The following NBAS variants were observed in gnomAD, a reference collection of about 807,000 sequenced individuals.
NBAS encodes the protein NBAS subunit of NRZ tethering complex.
A neutral mutation model predicts 302.5 loss-of-function variants in NBAS; 219 were observed. The observed-to-expected ratio is 0.72, with a 90% CI of 0.65 to 0.81. The LOEUF (loss-of-function observed/expected upper bound fraction) is 0.81. NBAS is among the 30% of genes least tolerant of loss of function. NBAS has a pLI of 0.00. For missense variants in NBAS, 2,932 were observed against 2,841.6 expected, an observed-to-expected ratio of 1.03 and a Z score of -0.72; for synonymous variants, 1,118 against 1,021.6, an observed-to-expected ratio of 1.09 and a Z score of -1.80.
intron 38 of NBAS, among the ~76,000 whole-genome samples, chr2:15,310,289 T>C (rs1671217227): frequency 6.6e-6 from 1 of 152,222 alleles, no homozygotes; most frequent in African/African-American, 2.4e-5. Context: ...AGAGAAAACC[T>C]ACTGTGTCTT....
the NBAS span, among the ~76,000 whole-genome samples, chr2:14,912,701 TTTAAAAAAAAAAAAAAA>T: frequency 5.4e-5 from 4 of 73,626 alleles, no homozygotes; most frequent in African/African-American, 1.6e-4. Context: ...TGCATTCATT[TTTAAAAAAAAAAAAAAA>T]AAAAAAAAAA....
At chr2:15,143,618 G>A in the NBAS span, among the ~76,000 whole-genome samples, 1 of 152,080 alleles carries the variant, frequency 6.6e-6, no homozygotes, top group Non-Finnish European at 1.5e-5. Context: ...GTTTGCAAGT[G>A]GTGGTTACAT....
chr2:14,842,413 A>C, the NBAS span, among the ~76,000 whole-genome samples: 1 of 151,984 alleles, frequency 6.6e-6, no homozygotes, highest in Non-Finnish European at 1.5e-5. Flanking sequence ...CAAAATTAAT[A>C]AACTTTCTTT....
In NBAS at chr2:15,465,558, A is replaced by G. The variant is rs1572891196; in HGVS notation, c.2097+1771T>C. Among the ~76,000 whole-genome samples the G allele has an allele frequency of 2.0e-5, 3 of 152,214 alleles. No homozygotes were observed. In the East Asian group the frequency reaches 5.8e-4, roughly 29 times the overall value. ...TCGTTTTTATCTCATTTATCACAGT[A>G]TTAATAAAAGAAGCCATGTCCTGTG... On this transcript the variant is annotated intron_variant, in intron 19 of 51. Coordinates refer to ENST00000281513, the MANE Select transcript of NBAS (RefSeq NM_015909.4).
chr2:15,367,317 C>T (rs968507671), intron 31 of NBAS, among the ~76,000 whole-genome samples: 10 of 152,008 alleles, frequency 6.6e-5, no homozygotes, highest in South Asian at 2.1e-4. Flanking sequence ...TACGTATATT[C>T]TAGGAACAAA....
chr2:15,466,686 C>T (rs1679736987), intron 19 of NBAS, among the ~76,000 whole-genome samples: 1 of 152,140 alleles, frequency 6.6e-6, no homozygotes, highest in Non-Finnish European at 1.5e-5. Context: ...ACCTGTAATC[C>T]TAGCACTTCA....
At chr2:15,034,213 A>AGAGAGG in the NBAS span, among the ~76,000 whole-genome samples, 8 of 121,584 alleles carry the variant, frequency 6.6e-5, no homozygotes, top group African/African-American at 9.3e-5. Context: ...AGGAAAGGAA[A>AGAGAGG]GAAAGAGAGG....
intron 40 of NBAS, 69 bp from the exon 41 acceptor site, chr2:15,292,835 GGAAGAA>G: frequency 1.4e-6 from 2 of 1,419,438 alleles, no homozygotes; most frequent in Non-Finnish European, 2.0e-6. Flanking sequence ...AGTAACAAAT[GGAAGAA>G]GACCATGTCT....
chr2:15,019,399 A>G, the NBAS span, among the ~76,000 whole-genome samples: 1 of 152,182 alleles, frequency 6.6e-6, no homozygotes, highest in East Asian at 1.9e-4. Context: ...TAAAAAGTCA[A>G]AGAACTTTTT....
At chr2:15,062,602 G>A in the NBAS span, among the ~76,000 whole-genome samples, 3 of 152,148 alleles carry the variant, frequency 2.0e-5, no homozygotes, top group African/African-American at 7.2e-5. Flanking sequence ...AGCAATTAAT[G>A]GAAATTATAG....
At chr2:14,893,998 A>T in the NBAS span, among the ~76,000 whole-genome samples, 1 of 152,326 alleles carries the variant, frequency 6.6e-6, no homozygotes, top group East Asian at 1.9e-4. Flanking sequence ...TTGATACAAA[A>T]TATTTATTGT....
At chr2:14,794,581 AT>A in the NBAS span, among the ~76,000 whole-genome samples, 1 of 152,170 alleles carries the variant, frequency 6.6e-6, no homozygotes, top group Non-Finnish European at 1.5e-5. Flanking sequence ...ATTTATATCA[AT>A]TTTTAAAAAC....
At chr2:15,506,005 A>G (rs1661831498) in intron 10 of NBAS, among the ~76,000 whole-genome samples, 1 of 152,092 alleles carries the variant, frequency 6.6e-6, no homozygotes, top group Admixed American at 6.5e-5. Context: ...CAAGGTACTC[A>G]AGGATAATTT....
chr2:15,557,804 A>G (rs1664717258), intron 2 of NBAS, among the ~76,000 whole-genome samples: 1 of 152,198 alleles, frequency 6.6e-6, no homozygotes, highest in Non-Finnish European at 1.5e-5. Flanking sequence ...AAAGGACTCT[A>G]TTAATGAATA....
At chr2:15,527,857 G>A (rs1001681774) in intron 9 of NBAS, among the ~76,000 whole-genome samples, 1 of 152,108 alleles carries the variant, frequency 6.6e-6, no homozygotes, top group Non-Finnish European at 1.5e-5. Flanking sequence ...TACGTGTGGC[G>A]TGAACCAGTA....
the NBAS span, among the ~76,000 whole-genome samples, chr2:14,949,394 A>G: frequency 1.3e-5 from 2 of 152,298 alleles, no homozygotes; most frequent in East Asian, 3.9e-4. Context: ...TCAATAGCAA[A>G]AAACAAATAA....
At chr2:15,031,404 T>C in the NBAS span, among the ~76,000 whole-genome samples, 1 of 152,220 alleles carries the variant, frequency 6.6e-6, no homozygotes, top group Non-Finnish European at 1.5e-5. Flanking sequence ...ACATTCTTTG[T>C]GGCAGTTACA....
At chr2:15,070,058 T>C in the NBAS span, among the ~76,000 whole-genome samples, 73 of 152,278 alleles carry the variant, frequency 4.8e-4, no homozygotes, top group Middle Eastern at 3.4e-3. Flanking sequence ...ATTTTAAAAA[T>C]TGATTCATTT....
the NBAS span, among the ~76,000 whole-genome samples, chr2:15,001,224 C>T: frequency 2.6e-5 from 4 of 152,018 alleles, no homozygotes; most frequent in African/African-American, 4.8e-5. Context: ...ACCTTTCCTT[C>T]GCCAGGATTT....
Sources: gnomAD v4.1 joint callset for allele counts (sites outside exome capture counted in the v4.1 genomes callset) on GRCh38, gnomAD v4.1.1 for gene constraint, MANE v1.5 for transcripts, NCBI Gene and HGNC (gene_info 2026-07-23, HGNC 2026-07-21) for gene names.